Variants in CHN1 observed in about 807,000 individuals in gnomAD.
The protein encoded by CHN1 is N-chimaerin.
CHN1 carries 37 observed loss-of-function variants against 59.5 expected under a neutral mutation model. The ratio of observed to expected loss-of-function variants is 0.62; its 90% CI spans 0.48 to 0.82. The LOEUF is 0.82. Among genes scored for constraint, CHN1 ranks in the 40% least tolerant of loss-of-function variants. The pLI is 0.00. For synonymous variants in CHN1, 206 were observed against 200.4 expected (o/e 1.03, Z -0.24); for missense variants, 469 against 571.0 (o/e 0.82, Z 1.82).
At position 174,880,954 on chromosome 2, in the gene CHN1, G is replaced by A. The variant is rs191387683; in HGVS notation, c.261-2826C>T. Reference sequence around the variant, plus strand: ...CTAGCTACTCCGGAGGCTGAGGCAGGAGAATTGCTTGAATCTGGGAGGTGG... The same window carrying A: ...CTAGCTACTCCGGAGGCTGAGGCAGAAGAATTGCTTGAATCTGGGAGGTGG... On this transcript the variant is annotated intron_variant, in intron 5 of 12. Coordinates refer to ENST00000409900, the MANE Select transcript of CHN1 (RefSeq NM_001822.7). 2.3e-3 allele frequency among the ~76,000 whole-genome samples: 350 copies of A among 151,456 alleles called. 1 individual carries two copies. Among genetic ancestry groups the A allele is most frequent in the African/African-American group, 8.1e-3 (332 of 41,198 alleles).
At chr2:174,991,509 A>G in intron 1 of CHN1, among the ~76,000 whole-genome samples, 1 of 152,336 alleles carries the variant, frequency 6.6e-6, no homozygotes, top group East Asian at 1.9e-4. Context: ...TATAAAATAT[A>G]ACAGTATAAA....
At chr2:174,946,803 C>G (rs1418898197) in intron 2 of CHN1, among the ~76,000 whole-genome samples, 3 of 149,778 alleles carry the variant, frequency 2.0e-5, no homozygotes, top group African/African-American at 7.4e-5. Context: ...GTGGCTCACA[C>G]TTGTAATCCC....
chr2:174,883,884 T>G (rs1687812503), intron 5 of CHN1, among the ~76,000 whole-genome samples: 1 of 150,994 alleles, frequency 6.6e-6, no homozygotes, highest in Non-Finnish European at 1.5e-5. Context: ...TTGAGAAAAT[T>G]TTAAAGAACA....
In CHN1 at chr2:174,927,521, A is replaced by G. The variant is rs149382183; in HGVS notation, c.115-8956T>C. Among the ~76,000 whole-genome samples, 500 of 152,344 alleles carry G rather than the reference A, an allele frequency of 3.3e-3. 5 individuals are homozygous for G. The highest frequency in any genetic ancestry group is 0.011 in the African/African-American group (463 of 41,578). On this transcript the variant is annotated intron_variant, in intron 3 of 12. Coordinates refer to ENST00000409900, the MANE Select transcript of CHN1 (RefSeq NM_001822.7). Reference sequence around the variant, plus strand: ...AATTTGAAAACACTAGAAATAAGCAAGAAAAGTATTATAAATGTTAATTCC... The same window carrying G: ...AATTTGAAAACACTAGAAATAAGCAGGAAAAGTATTATAAATGTTAATTCC...
chr2:174,847,604 T>TG, intron 6 of CHN1: 8 of 1,309,034 alleles, frequency 6.1e-6, no homozygotes, highest in South Asian at 1.3e-5. Flanking sequence ...GCAGGGAAGG[T>TG]GGGGGGAAGG....
chr2:174,862,883 C>T (rs952061962), intron 6 of CHN1, among the ~76,000 whole-genome samples: 1 of 152,136 alleles, frequency 6.6e-6, no homozygotes, highest in African/African-American at 2.4e-5. Context: ...AGCACTCTTC[C>T]CCACAGAAGT....
chr2:174,883,859 G>GT (rs556745300), intron 5 of CHN1, among the ~76,000 whole-genome samples: 301 of 148,638 alleles, frequency 2.0e-3, no homozygotes, highest in African/African-American at 3.9e-3. Flanking sequence ...ATAAATGAAA[G>GT]TTTTTTTAAA....
At chr2:174,912,123 T>A (rs1688720434) in intron 5 of CHN1, among the ~76,000 whole-genome samples, 1 of 151,496 alleles carries the variant, frequency 6.6e-6, no homozygotes, top group Non-Finnish European at 1.5e-5. Context: ...TACGGAAATA[T>A]AAAAAATACG....
chr2:174,891,462 C>A (rs1688047459), intron 5 of CHN1, among the ~76,000 whole-genome samples: 1 of 150,274 alleles, frequency 6.7e-6, no homozygotes, highest in African/African-American at 2.5e-5. Flanking sequence ...CCCAGCTACT[C>A]AGGAGGCTGA....
intron 7 of CHN1, among the ~76,000 whole-genome samples, chr2:174,838,852 T>C (rs1234145436): frequency 2.6e-5 from 4 of 151,894 alleles, no homozygotes; most frequent in Admixed American, 2.6e-4. Flanking sequence ...CCATCTCTAT[T>C]AAAAACACAA....
chr2:174,965,703 C>T (rs376027040), intron 1 of CHN1, among the ~76,000 whole-genome samples: 33 of 152,218 alleles, frequency 2.2e-4, no homozygotes, highest in African/African-American at 7.9e-4. Context: ...TGAAGAGTCG[C>T]CTTTCAACCA....
At chr2:174,850,412 CTGAAGTT>C (rs953297093) in intron 6 of CHN1, among the ~76,000 whole-genome samples, 6 of 152,126 alleles carry the variant, frequency 3.9e-5, no homozygotes, top group Non-Finnish European at 8.8e-5. Flanking sequence ...ATCAGAGAAA[CTGAAGTT>C]TGAATACTGA....
intron 5 of CHN1, among the ~76,000 whole-genome samples, chr2:174,911,202 T>G (rs1461154285): frequency 6.6e-6 from 1 of 151,938 alleles, no homozygotes; most frequent in African/African-American, 2.4e-5. Flanking sequence ...AAAACTAGAG[T>G]GTCTTATAAA....
At chr2:174,900,672 A>G (rs10930690) in intron 5 of CHN1, among the ~76,000 whole-genome samples, 71,495 of 151,806 alleles carry the variant, frequency 0.47, 17,616 homozygotes, top group African/African-American at 0.6. Context: ...GGGCGTGGTG[A>G]CAGGTGCCTG....
At chr2:174,954,845 G>A (rs564415850) in intron 1 of CHN1, among the ~76,000 whole-genome samples, 82 of 152,258 alleles carry the variant, frequency 5.4e-4, no homozygotes, top group African/African-American at 1.8e-3. Context: ...TGGTGGGAAT[G>A]TAAACTAGTA....
chr2:174,875,310 T>C (rs1687534095), intron 6 of CHN1, among the ~76,000 whole-genome samples: 1 of 152,216 alleles, frequency 6.6e-6, no homozygotes, highest in Non-Finnish European at 1.5e-5. Context: ...GAAACTGAAG[T>C]CCAGACAGGT....
rs1684987952 is a variant in CHN1, at chr2:174,808,889, A to G, written c.1102+16T>C. 6.2e-7 allele frequency: 1 copy of G among 1,612,902 alleles called. No homozygotes were observed. The highest frequency in any genetic ancestry group is 1.3e-5 in the African/African-American group (1 of 74,906). ...GACGTTGTCAGGTTATTTGAAATAC[A>G]TGCATTCATACTTACTGGCAGATTC... On this transcript the variant is annotated intron_variant, in intron 11 of 12. Transcript: ENST00000409900.
chr2:174,981,728 TC>T (rs2105450230), intron 1 of CHN1, among the ~76,000 whole-genome samples: 1 of 152,362 alleles, frequency 6.6e-6, no homozygotes, highest in East Asian at 1.9e-4. Context: ...AATATTTTTT[TC>T]CTGATGATAT....
intron 8 of CHN1, chr2:174,821,773 T>C (rs377709553): frequency 1.0e-4 from 47 of 452,526 alleles, no homozygotes; most frequent in African/African-American, 8.9e-4. Context: ...CTTCCTGGCC[T>C]CCAGAACTGT....
Sources: gnomAD v4.1 joint callset for allele counts (sites outside exome capture counted in the v4.1 genomes callset) on GRCh38, gnomAD v4.1.1 for gene constraint, MANE v1.5 for transcripts, NCBI Gene and HGNC (gene_info 2026-07-23, HGNC 2026-07-21) for gene names.